GLIS3: variants seen among roughly 807,000 people sequenced by gnomAD.
The protein encoded by GLIS3 is zinc finger protein GLIS3.
In GLIS3, 53 loss-of-function variants were observed where a neutral mutation model predicts 78.6. The ratio of observed to expected loss-of-function variants is 0.67; its 90% CI spans 0.54 to 0.85. GLIS3 has a LOEUF of 0.85. Ranked by LOEUF, GLIS3 falls within the 40% of genes least tolerant of loss-of-function variation. The pLI, the probability that GLIS3 is intolerant of heterozygous loss-of-function variation, is 0.00. For synonymous variants in GLIS3, 684 were observed against 509.9 expected (o/e 1.34, Z -4.60); for missense variants, 1,703 against 1,231.1 (o/e 1.38, Z -5.74).
chr9:4,456,221 T>A, the GLIS3 span, among the ~76,000 whole-genome samples: 9 of 152,374 alleles, frequency 5.9e-5, no homozygotes, highest in South Asian at 1.9e-3. Flanking sequence ...TTAAAAATGT[T>A]AATGATCATG....
intron 4 of GLIS3, among the ~76,000 whole-genome samples, chr9:4,037,094 C>T (rs1824380946): frequency 6.6e-6 from 1 of 152,120 alleles, no homozygotes; most frequent in African/African-American, 2.4e-5. Flanking sequence ...CAGTTTTCCC[C>T]ATCTGAAAAT....
chr9:4,285,739 G>C, intron 2 of GLIS3: 1 of 412,208 alleles, frequency 2.4e-6, no homozygotes, highest in South Asian at 2.4e-5. Context: ...TGCTAACCTA[G>C]CTCTTACCCT....
intron 8 of GLIS3, among the ~76,000 whole-genome samples, chr9:3,870,769 G>C (rs975387389): frequency 5.9e-5 from 9 of 152,186 alleles, no homozygotes; most frequent in African/African-American, 2.2e-4. Flanking sequence ...GATGAGATTT[G>C]GGTGAGGACA....
intron 2 of GLIS3, among the ~76,000 whole-genome samples, chr9:4,156,039 C>G (rs1564128136): frequency 6.6e-6 from 1 of 152,136 alleles, no homozygotes; most frequent in Non-Finnish European, 1.5e-5. Flanking sequence ...TCCCTGAACT[C>G]CTCATACCAG....
At chr9:4,350,848 G>C (rs1170136010), upstream of GLIS3, among the ~76,000 whole-genome samples, 1 of 152,170 alleles carries the variant, frequency 6.6e-6, no homozygotes, top group East Asian at 1.9e-4. Flanking sequence ...TCCAGTTTCT[G>C]TCTCCTCAGG....
chr9:4,064,759 G>A (rs1318160995), intron 4 of GLIS3, among the ~76,000 whole-genome samples: 1 of 152,198 alleles, frequency 6.6e-6, no homozygotes, highest in East Asian at 1.9e-4. Flanking sequence ...GCGCCAGTCA[G>A]AGAGGAAACT....
rs139432389 is a variant in GLIS3 at position 4,249,031 on chromosome 9, C to G, written c.388+37007G>C. ...GTACCATGCTGTTTTGGTTACTATA[C>G]CCTTGTAGTATAGTTTGAAGTCAGG... On this transcript the variant is annotated intron_variant, in intron 2 of 10. Coordinates refer to ENST00000381971, the MANE Select transcript of GLIS3 (RefSeq NM_001042413.2). Among the ~76,000 whole-genome samples the G allele has an allele frequency of 2.5e-3, 375 of 152,128 alleles. 2 individuals are homozygous for G. Among genetic ancestry groups the G allele is most frequent in the African/African-American group, 8.8e-3 (367 of 41,518 alleles).
the GLIS3 span, among the ~76,000 whole-genome samples, chr9:4,422,701 G>C: frequency 2.0e-5 from 3 of 152,224 alleles, no homozygotes; most frequent in Non-Finnish European, 2.9e-5. Context: ...CTCAGTTAGA[G>C]ATCAGAGCCC....
At chr9:4,478,507 A>G in the GLIS3 span, among the ~76,000 whole-genome samples, 12 of 151,904 alleles carry the variant, frequency 7.9e-5, no homozygotes, top group Admixed American at 3.3e-4. Context: ...GCTACTCCGG[A>G]GGCTGAGGCA....
At chr9:4,487,215 A>G in the GLIS3 span, among the ~76,000 whole-genome samples, 1 of 152,104 alleles carries the variant, frequency 6.6e-6, no homozygotes, top group African/African-American at 2.4e-5. Flanking sequence ...TCAATGAGCA[A>G]GAGTTCTCGT....
At position 4,066,665 on chromosome 9, in the gene GLIS3, C is replaced by T. The variant is rs75420006; in HGVS notation, c.1710+51103G>A. On this transcript the variant is annotated intron_variant, in intron 4 of 10. Transcript: ENST00000381971. ...TCCACCCTTCTTTGTCCTGCTCTGC[C>T]GTACTACAGCTGGACCCTGTAACAT... is the stretch of plus-strand genomic sequence containing the variant. Among the ~76,000 whole-genome samples, 21 of 152,322 alleles carry T rather than the reference C, an allele frequency of 1.4e-4. No individual in the cohort carries two copies. In the East Asian group the frequency reaches 3.7e-3, roughly 27 times the overall value.
the GLIS3 span, among the ~76,000 whole-genome samples, chr9:4,372,876 C>G: frequency 6.6e-6 from 1 of 152,200 alleles, no homozygotes; most frequent in Non-Finnish European, 1.5e-5. Flanking sequence ...ATGATAGGGA[C>G]TCCACCATTC....
chr9:4,299,328 T>A (rs1012001792), intron 1 of GLIS3, 93 bp downstream of exon 1: 28 of 152,338 alleles, frequency 1.8e-4, no homozygotes, highest in African/African-American at 5.5e-4. Flanking sequence ...ATCCCTAGTT[T>A]GCGTCTCTGA....
At chr9:4,044,856 T>C (rs1387490567) in intron 4 of GLIS3, among the ~76,000 whole-genome samples, 6 of 152,226 alleles carry the variant, frequency 3.9e-5, no homozygotes, top group African/African-American at 1.2e-4. Flanking sequence ...AGACACCATC[T>C]TGAAAGTCCC....
chr9:4,342,780 T>C (rs1027850105), intron 2 of GLIS3, among the ~76,000 whole-genome samples: 2 of 152,228 alleles, frequency 1.3e-5, no homozygotes, highest in Admixed American at 6.5e-5. Context: ...CAGCAGTGTT[T>C]TGTAATTCTC....
intron 7 of GLIS3, among the ~76,000 whole-genome samples, chr9:3,880,161 T>C (rs929703287): frequency 6.6e-6 from 1 of 152,120 alleles, no homozygotes; most frequent in African/African-American, 2.4e-5. Context: ...ACCCAGGGAA[T>C]TTTCCTGATG....
At chr9:4,026,129 C>A (rs12342127) in intron 4 of GLIS3, among the ~76,000 whole-genome samples, 1,891 of 152,264 alleles carry the variant, frequency 0.012, 27 homozygotes, top group African/African-American at 0.042. Context: ...CAAAGGCTTT[C>A]TTCCAACATC....
chr9:4,329,430 GC>G (rs201101655), intron 2 of GLIS3, among the ~76,000 whole-genome samples: 1 of 151,544 alleles, frequency 6.6e-6, no homozygotes. Flanking sequence ...ATGATAAAAT[GC>G]CCCCCAGTGG....
the GLIS3 span, among the ~76,000 whole-genome samples, chr9:4,415,333 G>A: frequency 6.6e-6 from 1 of 152,092 alleles, no homozygotes; most frequent in Admixed American, 6.6e-5. Context: ...AATACATCAG[G>A]AACCTCAACA....
Sources: allele counts gnomAD v4.1 joint callset (sites outside exome capture counted in the v4.1 genomes callset), GRCh38; gene constraint gnomAD v4.1.1; transcripts MANE v1.5; gene names NCBI Gene and HGNC (gene_info 2026-07-23, HGNC 2026-07-21).